Variants in EHBP1 observed in about 807,000 individuals in gnomAD.
EHBP1 encodes EH domain binding protein 1.
A neutral mutation model predicts 144.0 loss-of-function variants in EHBP1; 55 were observed. The observed-to-expected ratio is 0.38, with a 90% CI of 0.31 to 0.48. EHBP1 has a LOEUF of 0.48. Ranked by LOEUF, EHBP1 falls within the 20% of genes least tolerant of loss-of-function variation. EHBP1 has a pLI of 0.98. For synonymous variants in EHBP1, 469 were observed against 472.7 expected (o/e 0.99, Z 0.10); for missense variants, 1,200 against 1,364.2 (o/e 0.88, Z 1.90).
intron 2 of EHBP1, among the ~76,000 whole-genome samples, chr2:62,729,432 A>ATTAATAAAT (rs1553380028): frequency 5.1e-4 from 57 of 111,500 alleles, no homozygotes; most frequent in African/African-American, 1.9e-3. Context: ...ATAATATAAT[A>ATTAATAAAT]ATAATAAATA....
In EHBP1 at chr2:62,864,892, A is replaced by C; in HGVS notation, c.919A>C (p.Arg307=). ...GGATTCTCCTCCCCAGTCTACAAAA[A>C]GAAAAAATATAAGACCTGTGGATAT... The part of the protein sequence containing the change: ...IKDSPPQSTK[R]KNIRPVDMSK... Residue 307 remains arginine (R), a synonymous_variant, in exon 9 of 23, where the codon AGA becomes CGA. Coordinates refer to ENST00000431489, the MANE Select transcript of EHBP1 (RefSeq NM_001142616.3). The C allele has an allele frequency of 6.2e-7, 1 of 1,614,118 alleles. No individual in the cohort carries two copies. Among genetic ancestry groups the C allele is most frequent in the Non-Finnish European group, 8.5e-7 (1 of 1,179,990 alleles).
At chr2:62,703,616 C>T (rs746282183), upstream of EHBP1, among the ~76,000 whole-genome samples, 1 of 152,150 alleles carries the variant, frequency 6.6e-6, no homozygotes, top group Non-Finnish European at 1.5e-5. Flanking sequence ...TTCTTAGCTA[C>T]CTTGGTGTCT....
At chr2:62,705,095 G>A (rs1033772475), upstream of EHBP1, among the ~76,000 whole-genome samples, 5 of 152,160 alleles carry the variant, frequency 3.3e-5, no homozygotes, top group African/African-American at 1.2e-4. Context: ...TGTTGGGCGG[G>A]GAGCGGCCGG....
At chr2:62,796,891 T>C (rs2043575026) in intron 5 of EHBP1, among the ~76,000 whole-genome samples, 1 of 152,008 alleles carries the variant, frequency 6.6e-6, no homozygotes, top group Non-Finnish European at 1.5e-5. Context: ...GTCTCCTAAG[T>C]TCTCCCTCCT....
chr2:62,678,025 T>C (rs1455625891), intron 1 of EHBP1, among the ~76,000 whole-genome samples: 2 of 152,192 alleles, frequency 1.3e-5, no homozygotes, highest in Non-Finnish European at 2.9e-5. Context: ...GATCATATAG[T>C]AGCTCTATTT....
At chr2:62,851,118 C>T (rs1033091770) in intron 7 of EHBP1, among the ~76,000 whole-genome samples, 4 of 152,228 alleles carry the variant, frequency 2.6e-5, no homozygotes, top group Non-Finnish European at 5.9e-5. Flanking sequence ...TGCCTTCCCT[C>T]ATGGAGTGGT....
chr2:62,922,290 G>T (rs2055153310), intron 10 of EHBP1, among the ~76,000 whole-genome samples: 1 of 152,192 alleles, frequency 6.6e-6, no homozygotes, highest in African/African-American at 2.4e-5. Context: ...CTGTCTTGGG[G>T]TGGCAGAGGC....
chr2:62,828,110 G>A (rs753267006), intron 6 of EHBP1, among the ~76,000 whole-genome samples: 3 of 152,166 alleles, frequency 2.0e-5, no homozygotes, highest in Non-Finnish European at 4.4e-5. Context: ...AAGGGGAAAT[G>A]ACTTTGTTAA....
intron 2 of EHBP1, among the ~76,000 whole-genome samples, chr2:62,716,820 A>G (rs1472009172): frequency 6.6e-6 from 1 of 152,216 alleles, no homozygotes; most frequent in African/African-American, 2.4e-5. Context: ...ATAGTCAGCA[A>G]GGAGTTGTTT....
chr2:62,705,947 G>T lies in EHBP1; in HGVS notation c.-401G>T. The T allele has an allele frequency of 5.9e-6, 1 of 169,416 alleles. No individual in the cohort carries two copies. Among genetic ancestry groups the T allele is most frequent in the South Asian group, 1.0e-4 (1 of 9,614 alleles). 10.5% of individuals were successfully genotyped at this position (169,416 alleles called of 1,614,324 possible). ...CTTGGCTGTTCCATGTGGCTCCGGC[G>T]GGGATGGAGGACTCGGTGGCGGCGG... On this transcript the variant is annotated 5_prime_UTR_variant, in exon 1 of 23. Transcript: ENST00000431489.
At chr2:62,988,088 TG>T in intron 15 of EHBP1, 1 of 1,048,412 alleles carries the variant, frequency 9.5e-7, no homozygotes, top group South Asian at 1.4e-5. Context: ...GCAAACTTTA[TG>T]GTTATATTTT....
intron 5 of EHBP1, among the ~76,000 whole-genome samples, chr2:62,791,623 A>G (rs1471416966): frequency 1.3e-5 from 2 of 152,036 alleles, no homozygotes; most frequent in African/African-American, 4.8e-5. Flanking sequence ...AGTTTTAAAA[A>G]TAAAAAATAG....
intron 9 of EHBP1, among the ~76,000 whole-genome samples, chr2:62,872,550 C>T (rs970955394): frequency 2.0e-5 from 3 of 152,110 alleles, no homozygotes; most frequent in Admixed American, 2.0e-4. Flanking sequence ...TATCTCTGTA[C>T]AGCCACTATT....
rs572352187 is a variant in EHBP1 at position 62,842,753 on chromosome 2, G to T, written c.634+11595G>T. On this transcript the variant is annotated intron_variant, in intron 7 of 22. Coordinates refer to ENST00000431489, the MANE Select transcript of EHBP1 (RefSeq NM_001142616.3). ...GGTGTATTATTTATAGATGGCTTTT[G>T]ATTAAAACTAAATCTCAATTAGATA... is the stretch of plus-strand genomic sequence containing the variant. Among the ~76,000 whole-genome samples, 47 of 152,222 alleles carry T rather than the reference G, an allele frequency of 3.1e-4. No homozygotes were observed. In the East Asian group the frequency reaches 8.3e-3, roughly 27 times the overall value.
chr2:62,695,990 G>A (rs1013783649), intron 1 of EHBP1, among the ~76,000 whole-genome samples: 7 of 152,052 alleles, frequency 4.6e-5, no homozygotes, highest in Non-Finnish European at 1.0e-4. Flanking sequence ...TGGGATTACA[G>A]GCATGAGCCA....
At chr2:62,883,554 A>T (rs1035456667) in intron 10 of EHBP1, among the ~76,000 whole-genome samples, 3 of 152,174 alleles carry the variant, frequency 2.0e-5, no homozygotes, top group Non-Finnish European at 4.4e-5. Flanking sequence ...GGTGAAACCC[A>T]ACTGAAAAAT....
At chr2:62,952,045 C>G (rs962164049) in intron 13 of EHBP1, among the ~76,000 whole-genome samples, 1 of 152,066 alleles carries the variant, frequency 6.6e-6, no homozygotes, top group Non-Finnish European at 1.5e-5. Context: ...CTTTAAGAAC[C>G]CCTTTAGCTG....
chr2:62,906,029 G>A (rs572609300), intron 10 of EHBP1, among the ~76,000 whole-genome samples: 1 of 152,112 alleles, frequency 6.6e-6, no homozygotes, highest in East Asian at 1.9e-4. Context: ...TTTCACTAAG[G>A]ATTTTAAGAT....
intron 16 of EHBP1, among the ~76,000 whole-genome samples, chr2:62,991,277 A>T (rs1445384791): frequency 2.0e-5 from 3 of 152,084 alleles, no homozygotes; most frequent in African/African-American, 7.2e-5. Flanking sequence ...TAATTAAAAA[A>T]ATTGTATTAA....
Sources: gnomAD v4.1 joint callset for allele counts (sites outside exome capture counted in the v4.1 genomes callset) on GRCh38, gnomAD v4.1.1 for gene constraint, MANE v1.5 for transcripts, NCBI Gene and HGNC (gene_info 2026-07-23, HGNC 2026-07-21) for gene names.